PECR: variants seen among roughly 807,000 people sequenced by gnomAD.
PECR encodes 2,4-dienoyl-CoA reductase-related protein.
A neutral mutation model predicts 35.3 loss-of-function variants in PECR; 30 were observed. The ratio of observed to expected loss-of-function variants is 0.85; its 90% CI spans 0.64 to 1.15. The LOEUF is 1.15. PECR is among the 50% of genes most tolerant of loss of function. PECR has a pLI of 0.00. For missense variants in PECR, 392 were observed against 370.8 expected, an observed-to-expected ratio of 1.06 and a Z score of -0.47; for synonymous variants, 148 against 138.9, an observed-to-expected ratio of 1.07 and a Z score of -0.46.
At chr2:216,031,853 TTACC>T (rs1694716537) in intron 7 of PECR, among the ~76,000 whole-genome samples, 1 of 152,220 alleles carries the variant, frequency 6.6e-6, no homozygotes, top group Non-Finnish European at 1.5e-5. Context: ...GCAGCAAGTC[TTACC>T]TACCTGAGGA....
chr2:216,032,100 A>T (rs924282760), intron 7 of PECR, among the ~76,000 whole-genome samples: 1 of 152,200 alleles, frequency 6.6e-6, no homozygotes, highest in South Asian at 2.1e-4. Flanking sequence ...AGAAATTCTA[A>T]CTTACATCTA....
intron 7 of PECR, among the ~76,000 whole-genome samples, chr2:216,030,729 CTT>C (rs71047960): frequency 5.5e-5 from 8 of 145,596 alleles, no homozygotes; most frequent in Admixed American, 6.8e-5. Context: ...TTCTTTCTTT[CTT>C]TTTTTTTTTT....
chr2:216,062,483 T>C (rs1053273837), intron 3 of PECR, among the ~76,000 whole-genome samples: 2 of 152,188 alleles, frequency 1.3e-5, no homozygotes, highest in Non-Finnish European at 2.9e-5. Flanking sequence ...TAAAAGTCTA[T>C]AGGAAAGTCC....
chr2:216,072,829 C>T (rs535583951), intron 1 of PECR, among the ~76,000 whole-genome samples: 1 of 152,306 alleles, frequency 6.6e-6, no homozygotes, highest in South Asian at 2.1e-4. Context: ...GATAAACATA[C>T]TAGAGCAGGT....
intron 7 of PECR, among the ~76,000 whole-genome samples, chr2:216,031,681 AAGAAAGAAAG>A (rs369002283): frequency 0.35 from 40,489 of 115,396 alleles, 6,209 homozygotes; most frequent in Admixed American, 0.45. Flanking sequence ...GAAAGAAAGA[AAGAAAGAAAG>A]AGAAAGAAAG....
At chr2:216,046,310 A>ATATAT (rs1553560626) in intron 6 of PECR, among the ~76,000 whole-genome samples, 36 of 96,958 alleles carry the variant, frequency 3.7e-4, no homozygotes, top group South Asian at 6.2e-4. Context: ...ATATATATAT[A>ATATAT]TTTTTTTTTT....
intron 1 of PECR, among the ~76,000 whole-genome samples, chr2:216,074,826 G>C (rs1030881186): frequency 6.6e-6 from 1 of 152,144 alleles, no homozygotes; most frequent in African/African-American, 2.4e-5. Context: ...ACTTGAACTA[G>C]GGTGCAAACA....
At chr2:216,079,998 T>G (rs1036808014) in intron 1 of PECR, among the ~76,000 whole-genome samples, 3 of 148,948 alleles carry the variant, frequency 2.0e-5, no homozygotes, top group Admixed American at 6.7e-5. Context: ...AAAAAAAAAG[T>G]AAAATTGGAA....
intron 1 of PECR, among the ~76,000 whole-genome samples, chr2:216,070,089 T>G (rs775243269): frequency 5.3e-5 from 8 of 152,158 alleles, no homozygotes; most frequent in Non-Finnish European, 1.0e-4. Context: ...AGGTATACAA[T>G]GAGAAGGCAA....
intron 3 of PECR, among the ~76,000 whole-genome samples, chr2:216,060,149 T>TTGAAAACATATA (rs1695305911): frequency 6.6e-6 from 1 of 152,236 alleles, no homozygotes; most frequent in South Asian, 2.1e-4. Context: ...TTATATATGC[T>TTGAAAACATATA]TGAAAACATA....
chr2:216,064,116 A>T (rs767423843), intron 3 of PECR: 2 of 152,206 alleles, frequency 1.3e-5, no homozygotes, highest in African/African-American at 4.8e-5. Flanking sequence ...TTAGCAAGGT[A>T]TCTTGGATTG....
At chr2:216,063,561 T>C (rs1406663161) in intron 3 of PECR, among the ~76,000 whole-genome samples, 3 of 151,734 alleles carry the variant, frequency 2.0e-5, no homozygotes, top group Non-Finnish European at 2.9e-5. Context: ...GAGGTTGCAG[T>C]GAGCAGAGAT....
chr2:216,065,092 T>C, intron 3 of PECR: 1 of 573,038 alleles, frequency 1.7e-6, no homozygotes, highest in Middle Eastern at 4.8e-4. Flanking sequence ...AATTTTCTCA[T>C]AATAAATTCC....
chr2:216,045,237 C>G (rs1694968426), intron 6 of PECR, among the ~76,000 whole-genome samples: 1 of 152,228 alleles, frequency 6.6e-6, no homozygotes, highest in South Asian at 2.1e-4. Flanking sequence ...GCCAAGCCTT[C>G]TCTCCATCCT....
intron 5 of PECR, 110 bp downstream of exon 5, chr2:216,051,339 G>T: frequency 2.4e-5 from 15 of 637,548 alleles, no homozygotes; most frequent in African/African-American, 3.8e-5. Flanking sequence ...ATGTTTTAAA[G>T]TCAATCTTTT....
At chr2:216,074,541 A>AAGGAAGAAAGG (rs1559219583) in intron 1 of PECR, among the ~76,000 whole-genome samples, 24 of 81,892 alleles carry the variant, frequency 2.9e-4, no homozygotes, top group East Asian at 2.6e-3. Flanking sequence ...AGGAAGGAAG[A>AAGGAAGAAAGG]AAGGAAGGAA....
intron 1 of PECR, among the ~76,000 whole-genome samples, chr2:216,073,694 T>G (rs1313763380): frequency 6.6e-6 from 1 of 152,198 alleles, no homozygotes; most frequent in East Asian, 1.9e-4. Flanking sequence ...TTTGTATGTT[T>G]AGATATGTTT....
At chr2:216,052,320 T>C (rs1355014910) in intron 4 of PECR, among the ~76,000 whole-genome samples, 1 of 152,234 alleles carries the variant, frequency 6.6e-6, no homozygotes. Context: ...AGGAAAACTC[T>C]TTCAATCAAA....
intron 4 of PECR, among the ~76,000 whole-genome samples, chr2:216,052,704 G>T (rs1197885342): frequency 6.6e-6 from 1 of 152,134 alleles, no homozygotes. Flanking sequence ...TTCTTGTACT[G>T]GGGTTTGTTG....
Sources: allele counts gnomAD v4.1 joint callset (sites outside exome capture counted in the v4.1 genomes callset), GRCh38; gene constraint gnomAD v4.1.1; transcripts MANE v1.5; gene names NCBI Gene and HGNC (gene_info 2026-07-23, HGNC 2026-07-21).